TPM3: variants seen among roughly 807,000 people sequenced by gnomAD.
The protein encoded by TPM3 is tropomyosin alpha-3 chain.
A neutral mutation model predicts 43.1 loss-of-function variants in TPM3; 16 were observed. That is an observed-to-expected ratio of 0.37 (90% CI 0.25 to 0.56). TPM3 has a LOEUF of 0.56. TPM3 is among the 20% of genes least tolerant of loss of function. TPM3 has a pLI of 0.77. For synonymous variants in TPM3, 101 were observed against 116.9 expected, an observed-to-expected ratio of 0.86 and a Z score of 0.88; for missense variants, 176 against 337.2, an observed-to-expected ratio of 0.52 and a Z score of 3.74.
At chr1:154,183,543 A>G (rs1663219702) in intron 2 of TPM3, 15 of 354,832 alleles carry the variant, frequency 4.2e-5, no homozygotes, top group South Asian at 3.2e-4. Flanking sequence ...CAATGCCGAT[A>G]CCCGTCACCC....
At position 154,162,067 on chromosome 1, in the gene TPM3, T is replaced by A. The variant is rs890715632; in HGVS notation, c.*5870A>T. Among the ~76,000 whole-genome samples, 17 of 152,024 alleles carry A rather than the reference T, an allele frequency of 1.1e-4. No homozygotes were observed. Among genetic ancestry groups the A allele is most frequent in the Admixed American group, 6.6e-5 (1 of 15,254 alleles). ...TGGTCTAGCGTTCTTTTCAGCTATA[T>A]CTAATTAAGAAACAACCCCATGGCC... On this transcript the variant is annotated 3_prime_UTR_variant, in exon 10 of 10. Transcript: ENST00000651641.
At chr1:154,176,646 A>G (rs1019463435) in intron 2 of TPM3, among the ~76,000 whole-genome samples, 1 of 129,016 alleles carries the variant, frequency 7.8e-6, no homozygotes, top group Non-Finnish European at 1.6e-5. Context: ...AGTGTCTCAT[A>G]AAGCAGGAAA....
At chr1:154,181,950 A>G (rs1422296127) in intron 2 of TPM3, among the ~76,000 whole-genome samples, 1 of 152,144 alleles carries the variant, frequency 6.6e-6, no homozygotes, top group African/African-American at 2.4e-5. Flanking sequence ...AGAAATCACT[A>G]GAATCACTGT....
chr1:154,176,324 A>C, intron 2 of TPM3, 76 bp from the exon 3 acceptor site: 59 of 1,604,518 alleles, frequency 3.7e-5, no homozygotes, highest in Non-Finnish European at 4.6e-5. Flanking sequence ...CATTAAGATC[A>C]GGGTTGACTA....
At chr1:154,171,374 A>C (rs751550030) in intron 6 of TPM3, 39 bp downstream of exon 6, 6 of 1,609,342 alleles carry the variant, frequency 3.7e-6, no homozygotes, top group Non-Finnish European at 5.1e-6. Flanking sequence ...GGCTGGGCCC[A>C]GGCCCCAAAG....
intron 2 of TPM3, among the ~76,000 whole-genome samples, chr1:154,183,456 C>T (rs886746375): frequency 2.6e-5 from 4 of 152,228 alleles, no homozygotes; most frequent in African/African-American, 4.8e-5. Context: ...TCCCGCCAGG[C>T]TGGCTGCCCA....
chr1:154,167,694 T>G lies in TPM3; in HGVS notation c.*243A>C. On this transcript the variant is annotated 3_prime_UTR_variant, in exon 10 of 10. Transcript: ENST00000651641. Reference sequence around the variant, plus strand: ...CCCACATCACACCCCCAAGGCTCCTTCTTAGGGACAGCAACAGCTTTGTCA... The same window carrying G: ...CCCACATCACACCCCCAAGGCTCCTGCTTAGGGACAGCAACAGCTTTGTCA... 1 of 1,380,628 alleles carries G rather than the reference T, an allele frequency of 7.2e-7. No homozygotes were observed. The highest frequency in any genetic ancestry group is 3.0e-5 in the Admixed American group (1 of 33,532). The allele number at this position is 1,380,628 out of a possible 1,614,324, so 85.5% of individuals were successfully genotyped here. A position where few individuals can be genotyped will look rare whatever the true frequency, so the allele number is the denominator to read the frequency against.
downstream of TPM3, among the ~76,000 whole-genome samples, chr1:154,160,981 T>C (rs764432459): frequency 2.0e-5 from 3 of 152,024 alleles, no homozygotes; most frequent in South Asian, 2.1e-4. Context: ...CTAATCATAG[T>C]GCACAACAGC....
At chr1:154,188,814 TGGAAAACAAA>T (rs752303396) in intron 2 of TPM3, among the ~76,000 whole-genome samples, 4 of 150,596 alleles carry the variant, frequency 2.7e-5, no homozygotes, top group Non-Finnish European at 4.4e-5. Flanking sequence ...CTGAAAGTGG[TGGAAAACAAA>T]ACAGATCAGA....
At chr1:154,156,179 C>T (rs1160943954), downstream of TPM3, 13 of 174,094 alleles carry the variant, frequency 7.5e-5, no homozygotes, top group South Asian at 2.0e-4. Flanking sequence ...TGCAGTGAGC[C>T]GAGATCGAGC....
In TPM3 at chr1:154,164,662, T is replaced by C. The variant is rs1376100556; in HGVS notation, c.*3275A>G. Among the ~76,000 whole-genome samples the C allele has an allele frequency of 6.6e-6, 1 of 152,228 alleles. No homozygotes were observed. The highest frequency in any genetic ancestry group is 1.5e-5 in the Non-Finnish European group (1 of 68,046). The stretch of plus-strand genomic sequence containing the variant: ...GGTGTATTCACTGCTATAGTTACTT[T>C]AATGTGATTAGGAAAAAACACTAAC... On this transcript the variant is annotated 3_prime_UTR_variant, in exon 10 of 10. Coordinates refer to ENST00000651641, the MANE Select transcript of TPM3 (RefSeq NM_152263.4).
At chr1:154,191,120 G>T in intron 2 of TPM3, 66 bp downstream of exon 2, 1 of 1,611,756 alleles carries the variant, frequency 6.2e-7, no homozygotes, top group Non-Finnish European at 8.5e-7. Flanking sequence ...TTGGAATTTC[G>T]TCATACATTA....
chr1:154,156,018 G>A (rs1347968165), downstream of TPM3: 1 of 180,268 alleles, frequency 5.5e-6, no homozygotes, highest in Non-Finnish European at 1.2e-5. Context: ...TCACCTGAAG[G>A]TCAGGAGTTC....
intron 2 of TPM3, among the ~76,000 whole-genome samples, chr1:154,180,767 TA>T (rs903096894): frequency 2.7e-5 from 4 of 150,372 alleles, no homozygotes; most frequent in African/African-American, 7.3e-5. Context: ...AATAAAATAA[TA>T]AAAAAAAATC....
At chr1:154,188,002 GTTGT>G (rs1038475882) in intron 2 of TPM3, among the ~76,000 whole-genome samples, 17 of 151,572 alleles carry the variant, frequency 1.1e-4, no homozygotes, top group South Asian at 4.1e-4. Context: ...ATTTGGTAGG[GTTGT>G]TTGTTTGTTT....
intron 2 of TPM3, among the ~76,000 whole-genome samples, chr1:154,185,135 GCCACGGCGGGCAGATCAC>G (rs1663349618): frequency 6.6e-6 from 1 of 152,210 alleles, no homozygotes. Context: ...ACTTTGGGAG[GCCACGGCGGGCAGATCAC>G]CTGAGGTCAG....
intron 2 of TPM3, among the ~76,000 whole-genome samples, chr1:154,176,795 T>C (rs886849167): frequency 1.3e-5 from 2 of 151,674 alleles, no homozygotes; most frequent in Non-Finnish European, 1.5e-5. Flanking sequence ...CTGGCCAATA[T>C]GGTGAAACCC....
At chr1:154,183,380 C>A in intron 2 of TPM3, 1 of 1,265,894 alleles carries the variant, frequency 7.9e-7, no homozygotes, top group East Asian at 2.8e-5. Flanking sequence ...GGCCAGTAAA[C>A]TGGGACGGGG....
rs1263960006 is a variant in TPM3, at chr1:154,168,694, T to G, written c.854+611A>C. On this transcript the variant is annotated intron_variant, in intron 9 of 9. Transcript: ENST00000651641. Reference sequence around the variant, plus strand: ...GCGCCACCAAGCCCAACTAATTTTTTAAATATTTTTTAGTAGAGACAGGGT... The same window carrying G: ...GCGCCACCAAGCCCAACTAATTTTTGAAATATTTTTTAGTAGAGACAGGGT... 2.0e-5 allele frequency among the ~76,000 whole-genome samples: 3 copies of G among 152,176 alleles called. No individual in the cohort carries two copies. The South Asian group carries it at 6.2e-4, about 32-fold the overall frequency.
Sources: gnomAD v4.1 joint callset for allele counts (sites outside exome capture counted in the v4.1 genomes callset) on GRCh38, gnomAD v4.1.1 for gene constraint, MANE v1.5 for transcripts, NCBI Gene and HGNC (gene_info 2026-07-23, HGNC 2026-07-21) for gene names.